The following HYDIN variants were observed in gnomAD, a reference collection of about 807,000 sequenced individuals.
HYDIN encodes the protein axonemal central pair apparatus protein HYDIN.
HYDIN carries 132 observed loss-of-function variants against 403.9 expected under a neutral mutation model. That is an observed-to-expected ratio of 0.33 (90% confidence interval 0.28 to 0.38). HYDIN has a LOEUF of 0.38. Ranked by LOEUF, HYDIN falls within the 10% of genes least tolerant of loss-of-function variation. The pLI, the probability that HYDIN is intolerant of heterozygous loss-of-function variation, is 1.00. For synonymous variants in HYDIN, 1,202 were observed against 1,891.7 expected, an observed-to-expected ratio of 0.64 and a Z score of 9.46; for missense variants, 2,827 against 5,009.5, an observed-to-expected ratio of 0.56 and a Z score of 13.15.
intron 9 of HYDIN, among the ~76,000 whole-genome samples, chr16:71,125,755 A>G (rs922387704): frequency 6.6e-6 from 1 of 152,108 alleles, no homozygotes; most frequent in African/African-American, 2.4e-5. Flanking sequence ...AGTTGATCAA[A>G]AAGCACTTTA....
At chr16:71,172,042 T>C (rs893518410) in intron 5 of HYDIN, among the ~76,000 whole-genome samples, 8 of 152,250 alleles carry the variant, frequency 5.3e-5, no homozygotes, top group African/African-American at 1.9e-4. Flanking sequence ...TGGACAATTT[T>C]ATGATACTGA....
rs553768146 is a variant in HYDIN at position 70,933,418 on chromosome 16, C to T, written c.7158+2534G>A. ...TGGGCCGTGTTGAGTTACCAGTGTC[C>T]GAGGGACAATCTGAAGAAGTGTCAG... On this transcript the variant is annotated intron_variant, in intron 45 of 85. Transcript: ENST00000393567. Among the ~76,000 whole-genome samples, 23 of 140,698 alleles carry T rather than the reference C, an allele frequency of 1.6e-4. 1 individual carries two copies. The South Asian group carries it at 4.9e-3, about 30-fold the overall frequency. The allele number at this position is 140,698 out of a possible 152,430, so 92.3% of individuals were successfully genotyped here.
At chr16:71,183,271 T>C (rs1020494646) in intron 3 of HYDIN, among the ~76,000 whole-genome samples, 2 of 151,862 alleles carry the variant, frequency 1.3e-5, no homozygotes, top group African/African-American at 2.4e-5. Context: ...GATAGCCTAA[T>C]GAATGTAATG....
At chr16:71,224,525 A>C (rs1021869005) in intron 1 of HYDIN, among the ~76,000 whole-genome samples, 4 of 151,988 alleles carry the variant, frequency 2.6e-5, no homozygotes, top group Non-Finnish European at 5.9e-5. Flanking sequence ...TAATTAAATT[A>C]AACTCTGTTA....
intron 23 of HYDIN, among the ~76,000 whole-genome samples, chr16:71,012,587 C>T (rs1241092889): frequency 6.6e-6 from 1 of 152,214 alleles, no homozygotes; most frequent in Non-Finnish European, 1.5e-5. Context: ...CATGTGCATG[C>T]ACACGCACCG....
At chr16:71,050,841 A>C (rs1291847585) in intron 18 of HYDIN, among the ~76,000 whole-genome samples, 2 of 147,882 alleles carry the variant, frequency 1.4e-5, no homozygotes, top group Non-Finnish European at 3.0e-5. Flanking sequence ...ATTAGTTACA[A>C]TTTCCATACA....
intron 67 of HYDIN, among the ~76,000 whole-genome samples, chr16:70,865,967 T>C (rs1597162448): frequency 6.6e-6 from 1 of 152,306 alleles, no homozygotes; most frequent in East Asian, 1.9e-4. Flanking sequence ...TCCTGGCCTA[T>C]ATCTTGATTT....
chr16:71,169,601 T>C (rs1259432957), intron 5 of HYDIN, among the ~76,000 whole-genome samples: 4 of 152,202 alleles, frequency 2.6e-5, no homozygotes, highest in African/African-American at 9.7e-5. Context: ...CTGACTTATA[T>C]GTGGAATCTA....
intron 1 of HYDIN, among the ~76,000 whole-genome samples, chr16:71,195,780 T>C (rs1314452843): frequency 6.6e-6 from 1 of 152,162 alleles, no homozygotes; most frequent in Non-Finnish European, 1.5e-5. Context: ...ACAGATTCCA[T>C]TAAGAATTCA....
At chr16:70,934,608 T>A (rs1428792173) in intron 45 of HYDIN, among the ~76,000 whole-genome samples, 1 of 151,758 alleles carries the variant, frequency 6.6e-6, no homozygotes, top group Non-Finnish European at 1.5e-5. Context: ...AGTCCAAGAG[T>A]CTCAAGAAGT....
intron 18 of HYDIN, among the ~76,000 whole-genome samples, chr16:71,037,171 A>G (rs1180373788): frequency 6.7e-6 from 1 of 149,950 alleles, no homozygotes; most frequent in Non-Finnish European, 1.5e-5. Flanking sequence ...TGTACCTTCC[A>G]TATAGAGCTG....
Position 71,020,176 on chromosome 16 carries a change from C to T in HYDIN, c.3328G>A (p.Glu1110Lys). 6.2e-7 allele frequency: 1 copy of T among 1,613,704 alleles called. No homozygotes were observed. The highest frequency in any genetic ancestry group is 8.5e-7 in the Non-Finnish European group (1 of 1,179,878). The change falls in exon 22 of 86, where the codon GAG (glutamate) becomes AAG (lysine). Residue 1110 changes from glutamate to lysine, a missense_variant and splice_region_variant. Coordinates refer to ENST00000393567, the MANE Select transcript of HYDIN (RefSeq NM_001270974.2). ...TDKSLLPATP[E>K]PIKLEIDEEK... ...AGAACAGACCCCTATTAAGGTACCT[C>T]AGGAGTTGCCGGCAGCAGGGATTTA...
intron 18 of HYDIN, among the ~76,000 whole-genome samples, chr16:71,039,076 G>A (rs1008075840): frequency 2.6e-5 from 4 of 151,192 alleles, no homozygotes; most frequent in East Asian, 1.9e-4. Context: ...AGCTTTACAC[G>A]GGAGGCAATT....
Position 71,051,889 on chromosome 16 carries a change from T to C in HYDIN, c.2529+8615A>G, listed in dbSNP as rs918753430. Among the ~76,000 whole-genome samples, 9 of 152,030 alleles carry C rather than the reference T, an allele frequency of 5.9e-5. No homozygotes were observed. The East Asian group carries it at 1.2e-3, about 20-fold the overall frequency. On this transcript the variant is annotated intron_variant, in intron 18 of 85. Transcript: ENST00000393567. ...AAAATTGAAAGCTGACACAAGAAAA[T>C]TCAATAGTGCTCCTATAAATTATTA...
intron 18 of HYDIN, among the ~76,000 whole-genome samples, chr16:71,040,880 T>A (rs1357338923): frequency 8.2e-6 from 1 of 121,400 alleles, no homozygotes; most frequent in East Asian, 2.1e-4. Flanking sequence ...CCTGCTTTTT[T>A]TCTCCTTGGC....
chr16:70,858,310 C>T (rs1055258877), intron 71 of HYDIN, among the ~76,000 whole-genome samples: 10 of 152,308 alleles, frequency 6.6e-5, no homozygotes, highest in Middle Eastern at 3.4e-3. Flanking sequence ...GCCAGGCCAG[C>T]TGGCAGTGGA....
At chr16:70,951,669 G>C (rs1305575357) in intron 41 of HYDIN, among the ~76,000 whole-genome samples, 2 of 151,588 alleles carry the variant, frequency 1.3e-5, no homozygotes, top group African/African-American at 2.4e-5. Flanking sequence ...ATTCCCTCTT[G>C]AGTGGATCGC....
At chr16:71,172,223 G>A (rs568164407) in intron 5 of HYDIN, among the ~76,000 whole-genome samples, 28 of 152,224 alleles carry the variant, frequency 1.8e-4, no homozygotes, top group African/African-American at 6.0e-4. Context: ...AACCATAACT[G>A]AGCCACCCAG....
At chr16:71,146,297 C>G (rs1398507038) in intron 7 of HYDIN, among the ~76,000 whole-genome samples, 2 of 146,386 alleles carry the variant, frequency 1.4e-5, no homozygotes, top group South Asian at 4.5e-4. Context: ...TCTGACACTT[C>G]GTTTCAGCAA....
Sources: allele counts gnomAD v4.1 joint callset (sites outside exome capture counted in the v4.1 genomes callset), GRCh38; gene constraint gnomAD v4.1.1; transcripts MANE v1.5; gene names NCBI Gene and HGNC (gene_info 2026-07-23, HGNC 2026-07-21).